The following DRC4 variants were observed in gnomAD, a reference collection of about 807,000 sequenced individuals.
The protein encoded by DRC4 is dynein regulatory complex subunit 4, also known as GAS-11.
At chr16:90,019,902 C>A in the DRC4 span, 1 of 74,556 alleles carries the variant, frequency 1.3e-5, no homozygotes, top group South Asian at 9.0e-5. The surrounding 1 kb of genome is among the most constrained non-coding windows in gnomAD (Gnocchi z 6.1). Flanking sequence ...ACGCGGGGGG[C>A]GGGTGGGGGC....
the DRC4 span, chr16:90,029,316 C>T: frequency 1.5e-6 from 2 of 1,364,904 alleles, no homozygotes; most frequent in Admixed American, 3.8e-5. Flanking sequence ...CTGGAGACTC[C>T]TGCCCCGCAG....
the DRC4 span, among the ~76,000 whole-genome samples, chr16:90,030,835 C>A: frequency 6.6e-6 from 1 of 152,112 alleles, no homozygotes; most frequent in African/African-American, 2.4e-5. Flanking sequence ...CCAAGCTGGT[C>A]TTCAGCTCCT....
the DRC4 span, among the ~76,000 whole-genome samples, chr16:90,041,774 G>C: frequency 6.6e-6 from 1 of 152,056 alleles, no homozygotes; most frequent in Non-Finnish European, 1.5e-5. Flanking sequence ...ACTCCAGCCT[G>C]GGCAACGGGG....
the DRC4 span, among the ~76,000 whole-genome samples, chr16:90,035,295 G>A: frequency 6.6e-6 from 1 of 152,208 alleles, no homozygotes; most frequent in African/African-American, 2.4e-5. Flanking sequence ...GGCCTCCAGC[G>A]TGCTGGGATG....
At chr16:90,044,681 C>G in the DRC4 span, 1 of 461,508 alleles carries the variant, frequency 2.2e-6, no homozygotes, top group Non-Finnish European at 4.5e-6. Flanking sequence ...CCCAGCTTTC[C>G]TGGGTCTGCA....
the DRC4 span, chr16:90,031,155 ATTTTAACT>A: frequency 6.6e-7 from 1 of 1,511,462 alleles, no homozygotes; most frequent in African/African-American, 1.4e-5. Context: ...CTAGCCTTAT[ATTTTAACT>A]TTTTACATTT....
At chr16:90,042,189 G>A in the DRC4 span, 3 of 506,112 alleles carry the variant, frequency 5.9e-6, no homozygotes, top group East Asian at 5.2e-5. Flanking sequence ...GCCCTCCTTG[G>A]CCTCCCACAC....
At chr16:90,031,741 C>T in the DRC4 span, among the ~76,000 whole-genome samples, 1 of 152,194 alleles carries the variant, frequency 6.6e-6, no homozygotes. Context: ...CTCAGCTCTG[C>T]CACTTAATAC....
the DRC4 span, among the ~76,000 whole-genome samples, chr16:90,023,609 G>A: frequency 4.1e-4 from 56 of 137,918 alleles, 3 homozygotes; most frequent in Middle Eastern, 7.1e-3. Flanking sequence ...GGATTAAAAA[G>A]AGAGCAGTAC....
At chr16:90,043,069 T>C in the DRC4 span, 3 of 1,105,252 alleles carry the variant, frequency 2.7e-6, no homozygotes, top group African/African-American at 3.1e-5. Context: ...GGGAAATGAC[T>C]GATAAGCCTT....
chr16:90,041,071 T>C, the DRC4 span, among the ~76,000 whole-genome samples: 1 of 152,070 alleles, frequency 6.6e-6, no homozygotes, highest in East Asian at 1.9e-4. Context: ...AGGGTCCCAC[T>C]GTTGGGAGGT....
chr16:90,044,827 A>G, the DRC4 span: 2 of 252,872 alleles, frequency 7.9e-6, 1 homozygote, highest in South Asian at 8.0e-5. Flanking sequence ...CAACACAGAG[A>G]AGCAAAAAGG....
the DRC4 span, chr16:90,040,369 G>C: frequency 6.2e-7 from 1 of 1,609,486 alleles, no homozygotes; most frequent in Non-Finnish European, 8.5e-7. Context: ...GCAGAAGACA[G>C]GGTTCAAGAA....
chr16:90,044,416 T>C, the DRC4 span: 8 of 451,328 alleles, frequency 1.8e-5, no homozygotes, highest in South Asian at 1.3e-4. Flanking sequence ...GCCCACTGCC[T>C]AAATGATGCC....
the DRC4 span, chr16:90,037,044 C>T: frequency 1.6e-6 from 1 of 616,698 alleles, no homozygotes. Context: ...GCTGCATTCC[C>T]AGAAAACTCA....
chr16:90,040,591 A>T, the DRC4 span: 1 of 1,283,252 alleles, frequency 7.8e-7, no homozygotes, highest in South Asian at 1.3e-5. Flanking sequence ...TGCTCCTCGG[A>T]TAGGCACAGA....
chr16:90,036,172 G>C, the DRC4 span: 1 of 595,050 alleles, frequency 1.7e-6, no homozygotes, highest in Non-Finnish European at 2.9e-6. Context: ...CACTGGCAAA[G>C]GCAGGCCGAC....
chr16:90,033,084 G>T, the DRC4 span, among the ~76,000 whole-genome samples: 2 of 152,120 alleles, frequency 1.3e-5, no homozygotes, highest in African/African-American at 4.8e-5. Flanking sequence ...TTTAAAGCAT[G>T]CATCCAAACA....
chr16:90,037,888 G>A, the DRC4 span: 3 of 1,567,938 alleles, frequency 1.9e-6, no homozygotes, highest in Non-Finnish European at 2.6e-6. Flanking sequence ...GGCGGTGGGT[G>A]TTAGAGCAAC....
Sources: allele counts gnomAD v4.1 joint callset (sites outside exome capture counted in the v4.1 genomes callset), GRCh38; gene constraint gnomAD v4.1.1; non-coding constraint Gnocchi (gnomAD v3.1); transcripts MANE v1.5; gene names NCBI Gene and HGNC (gene_info 2026-07-23, HGNC 2026-07-21).